Variants in TMEM40 observed in about 807,000 individuals in gnomAD.
TMEM40 encodes the protein transmembrane protein 40.
In TMEM40, 34 loss-of-function variants were observed where a neutral mutation model predicts 40.8. The observed-to-expected ratio is 0.83, with a 90% CI of 0.63 to 1.11. The LOEUF is 1.11. TMEM40 is among the 50% of genes least tolerant of loss of function. The pLI is 0.00. For synonymous variants in TMEM40, 106 were observed against 107.0 expected (o/e 0.99, Z 0.06); for missense variants, 296 against 280.2 (o/e 1.06, Z -0.40).
At chr3:12,757,923 A>T (rs908327904) in intron 1 of TMEM40, among the ~76,000 whole-genome samples, 1 of 152,086 alleles carries the variant, frequency 6.6e-6, no homozygotes, top group African/African-American at 2.4e-5. Context: ...GCTGGTCTCG[A>T]ACTCCTGACC....
At chr3:12,754,300 C>A (rs539004649) in intron 1 of TMEM40, among the ~76,000 whole-genome samples, 15,490 of 151,916 alleles carry the variant, frequency 0.1, 818 homozygotes, top group Non-Finnish European at 0.12. Flanking sequence ...CGACAGAGCA[C>A]GATTCCGTCT....
intron 1 of TMEM40, among the ~76,000 whole-genome samples, chr3:12,756,495 G>T (rs929502968): frequency 6.6e-6 from 1 of 152,186 alleles, no homozygotes; most frequent in African/African-American, 2.4e-5. Context: ...ATTTGTTCCA[G>T]ATTTAGGGAC....
intron 1 of TMEM40, among the ~76,000 whole-genome samples, chr3:12,756,624 G>C (rs1051405996): frequency 2.0e-5 from 3 of 152,138 alleles, no homozygotes; most frequent in African/African-American, 7.2e-5. Context: ...GGCTCGCATC[G>C]TCCTAACTTG....
At position 12,733,700 on chromosome 3, in the gene TMEM40, G is replaced by C. The variant is rs2061316727; in HGVS notation, c.*1074C>G. ...CCATCAAGAACTCAGTTCAAGTTCA[G>C]GATATCAATCACATAGCATGGTGAC... On this transcript the variant is annotated 3_prime_UTR_variant, in exon 12 of 12. Coordinates refer to ENST00000314124, the MANE Select transcript of TMEM40 (RefSeq NM_018306.4). The C allele has an allele frequency of 6.6e-6, 1 of 152,006 alleles. No individual in the cohort carries two copies. The highest frequency in any genetic ancestry group is 2.1e-4 in the South Asian group (1 of 4,814). 9.4% of individuals were successfully genotyped at this position (152,006 alleles called of 1,614,324 possible).
chr3:12,755,209 T>C (rs1291605647), intron 1 of TMEM40, among the ~76,000 whole-genome samples: 1,164 of 77,842 alleles, frequency 0.015, 23 homozygotes, highest in African/African-American at 0.075. Context: ...CTTTCTTTCT[T>C]TCTTTCTCTC....
chr3:12,737,172 G>C (rs2061343814), intron 8 of TMEM40, among the ~76,000 whole-genome samples: 1 of 150,802 alleles, frequency 6.6e-6, no homozygotes, highest in Non-Finnish European at 1.5e-5. Context: ...GAGCCACCAT[G>C]CCTGGCCTCT....
intron 1 of TMEM40, among the ~76,000 whole-genome samples, chr3:12,757,359 C>T (rs1467563066): frequency 1.3e-5 from 2 of 151,612 alleles, no homozygotes. Flanking sequence ...ATCCCAGCTA[C>T]TCGGGAGGCT....
At chr3:12,760,730 G>C (rs182368334), upstream of TMEM40, among the ~76,000 whole-genome samples, 2 of 151,658 alleles carry the variant, frequency 1.3e-5, no homozygotes, top group Non-Finnish European at 2.9e-5. Flanking sequence ...ATGTCTGACA[G>C]TAGGTGCTCA....
At chr3:12,748,035 C>A (rs191729010) in intron 3 of TMEM40, among the ~76,000 whole-genome samples, 1 of 151,874 alleles carries the variant, frequency 6.6e-6, no homozygotes, top group Non-Finnish European at 1.5e-5. Context: ...CAAAAGCTTT[C>A]GCACAAGGAT....
chr3:12,752,512 G>A (rs2061486205), intron 1 of TMEM40, among the ~76,000 whole-genome samples: 1 of 152,140 alleles, frequency 6.6e-6, no homozygotes, highest in African/African-American at 2.4e-5. Flanking sequence ...AACTTGCCCA[G>A]GACCGGCCGG....
At position 12,735,598 on chromosome 3, in the gene TMEM40, G is replaced by A; in HGVS notation, c.639C>T (p.Val213=). The change falls in exon 11 of 12, where the codon GTC becomes GTT. Residue 213 remains valine, a synonymous_variant. Transcript: ENST00000314124. ...YFGLVYRIHS[V]LQGFIPLFQK... is the part of the protein sequence containing the mutation. ...GGAAGAGGGGGATGAAGCCTTGGAG[G>A]ACGCTGTGGATACGGTACACTGCTC... is the stretch of plus-strand genomic sequence containing the variant. The A allele has an allele frequency of 6.2e-7, 1 of 1,613,496 alleles. No homozygotes were observed. Among genetic ancestry groups the A allele is most frequent in the Non-Finnish European group, 8.5e-7 (1 of 1,179,856 alleles).
At chr3:12,735,134 C>T (rs1177481612) in intron 11 of TMEM40, among the ~76,000 whole-genome samples, 1 of 152,196 alleles carries the variant, frequency 6.6e-6, no homozygotes, top group Non-Finnish European at 1.5e-5. Context: ...CTCCACCTCT[C>T]TGAGCCTCAT....
At position 12,734,102 on chromosome 3, in the gene TMEM40, G is replaced by A. The variant is rs2061320457; in HGVS notation, c.*672C>T. 6.6e-6 allele frequency: 1 copy of A among 151,876 alleles called. No individual in the cohort carries two copies. Among genetic ancestry groups the A allele is most frequent in the African/African-American group, 2.4e-5 (1 of 41,290 alleles). 9.4% of individuals were successfully genotyped at this position (151,876 alleles called of 1,614,324 possible). A position where few individuals can be genotyped will look rare whatever the true frequency, so the allele number is the denominator to read the frequency against. On this transcript the variant is annotated 3_prime_UTR_variant, in exon 12 of 12. Coordinates refer to ENST00000314124, the MANE Select transcript of TMEM40 (RefSeq NM_018306.4). ...GTCATTAAAAAAAAATTGTAGAGAT[G>A]GGGGTCTCACTATGTTGCCCAGGTT... is the stretch of plus-strand genomic sequence containing the variant.
intron 3 of TMEM40, among the ~76,000 whole-genome samples, chr3:12,744,757 A>G (rs1259416689): frequency 1.3e-5 from 2 of 152,210 alleles, no homozygotes; most frequent in Non-Finnish European, 2.9e-5. Context: ...CTTTATCCCA[A>G]GACAGGACCG....
intron 3 of TMEM40, 129 bp downstream of exon 3, chr3:12,748,526 C>G (rs2061446513): frequency 7.6e-7 from 1 of 1,319,776 alleles, no homozygotes; most frequent in African/African-American, 1.5e-5. Context: ...GACAGATCGG[C>G]TCTAGAAGAG....
intron 1 of TMEM40, among the ~76,000 whole-genome samples, chr3:12,768,490 G>A (rs1439730532): frequency 2.0e-5 from 3 of 152,102 alleles, no homozygotes; most frequent in Non-Finnish European, 4.4e-5. Context: ...ACAGAGTGCC[G>A]ATTGGTGTAT....
At chr3:12,741,551 C>T (rs551160668) in intron 5 of TMEM40, among the ~76,000 whole-genome samples, 1 of 152,248 alleles carries the variant, frequency 6.6e-6, no homozygotes, top group East Asian at 1.9e-4. Context: ...ATGTAATTTA[C>T]CAAGCACCTC....
At chr3:12,766,638 C>T (rs1332388867) in intron 1 of TMEM40, among the ~76,000 whole-genome samples, 1 of 151,914 alleles carries the variant, frequency 6.6e-6, no homozygotes. Context: ...AGATAGTAAC[C>T]TTTTGTCAGC....
At position 12,754,147 on chromosome 3, in the gene TMEM40, C is replaced by T. The variant is rs185297797; in HGVS notation, c.-8-4307G>A. ...CTAACACGGTGAAACCCCGTCTCTA[C>T]TAAAAATACAAAAAATTAGCCGGGC... On this transcript the variant is annotated intron_variant, in intron 1 of 11. Coordinates refer to ENST00000314124, the MANE Select transcript of TMEM40 (RefSeq NM_018306.4). Among the ~76,000 whole-genome samples, 805 of 152,194 alleles carry T rather than the reference C, an allele frequency of 5.3e-3. 7 individuals carry two copies. Among genetic ancestry groups the T allele is most frequent in the African/African-American group, 0.016 (681 of 41,498 alleles).
Sources: allele counts gnomAD v4.1 joint callset (sites outside exome capture counted in the v4.1 genomes callset), GRCh38; gene constraint gnomAD v4.1.1; transcripts MANE v1.5; gene names NCBI Gene and HGNC (gene_info 2026-07-23, HGNC 2026-07-21).